The following MED16 variants were observed in gnomAD, a reference collection of about 807,000 sequenced individuals.
MED16 encodes the protein mediator complex subunit 16, also known as mediator of RNA polymerase II transcription subunit 16.
MED16 carries 81 observed loss-of-function variants against 84.4 expected under a neutral mutation model. That is an observed-to-expected ratio of 0.96 (90% CI 0.80 to 1.15). The LOEUF is 1.15. Ranked by LOEUF, MED16 falls within the 50% of genes most tolerant of loss-of-function variation. MED16 has a pLI of 0.00. For synonymous variants in MED16, 897 were observed against 552.2 expected (o/e 1.62, Z -8.76); for missense variants, 1,585 against 1,245.9 (o/e 1.27, Z -4.10).
intron 1 of MED16, chr19:892,389 C>G (rs1214403603): frequency 1.9e-5 from 3 of 156,298 alleles, no homozygotes; most frequent in African/African-American, 7.2e-5. Flanking sequence ...ATGTACTCTC[C>G]AGGTCCAGCC....
At chr19:876,875 C>CA (rs1568324495) in intron 9 of MED16, 99 bp downstream of exon 9, 5 of 1,245,084 alleles carry the variant, frequency 4.0e-6, no homozygotes, top group African/African-American at 3.2e-5. Context: ...CCACCTGCCA[C>CA]GGGGCCCCCA....
intron 8 of MED16, among the ~76,000 whole-genome samples, chr19:878,667 G>A (rs1282297174): frequency 2.7e-4 from 36 of 132,856 alleles, no homozygotes; most frequent in East Asian, 9.9e-4. Context: ...TCCCCTGGTT[G>A]TCAATGCCCA....
At chr19:874,152 C>T (rs557020250) in intron 10 of MED16, among the ~76,000 whole-genome samples, 4 of 133,386 alleles carry the variant, frequency 3.0e-5, no homozygotes, top group Non-Finnish European at 5.2e-5. Context: ...CTCACTCTGT[C>T]GCCCAGGCTG....
chr19:882,280 A>G (rs1252728313), intron 6 of MED16, among the ~76,000 whole-genome samples: 4 of 152,240 alleles, frequency 2.6e-5, no homozygotes, highest in African/African-American at 9.6e-5. Context: ...AGCCAACGCC[A>G]GAGGATGGCT....
chr19:880,008 C>G lies in MED16; in HGVS notation c.1282G>C (p.Ala428Pro), dbSNP rs371499870. 8.7e-6 allele frequency: 14 copies of G among 1,609,640 alleles called. No homozygotes were observed. In the Admixed American group the frequency reaches 2.3e-4, roughly 27 times the overall value. The change falls in exon 8 of 16, where the codon GCC (alanine) becomes CCC (proline). Residue 428 changes from alanine to proline, a missense_variant. Coordinates refer to ENST00000325464, the MANE Select transcript of MED16 (RefSeq NM_005481.3). Reference sequence around the variant, plus strand: ...AGCTGCATAGCCTTTAAGTGGACGGCGGGGCCCGCGGTGCGGGGGCGCTTC... The same window carrying G: ...AGCTGCATAGCCTTTAAGTGGACGGGGGGGCCCGCGGTGCGGGGGCGCTTC... ...AMKRPRTAGP[A>P]VHLKAMQLSW...
intron 2 of MED16, 41 bp downstream of exon 2, chr19:890,922 C>T: frequency 6.3e-7 from 1 of 1,599,764 alleles, no homozygotes; most frequent in Admixed American, 1.7e-5. Flanking sequence ...GGGCGGGACA[C>T]CATGCGGCCG....
chr19:892,881 A>AGCGCCGC (rs1282768959), intron 1 of MED16: 1 of 137,866 alleles, frequency 7.3e-6, no homozygotes, highest in East Asian at 2.4e-4. Flanking sequence ...CTGAGCCCCG[A>AGCGCCGC]GCCCCGCGCC....
chr19:873,250 G>C (rs939144935), intron 11 of MED16, among the ~76,000 whole-genome samples, 199 bp downstream of exon 11: 1 of 138,360 alleles, frequency 7.2e-6, no homozygotes, highest in African/African-American at 2.6e-5. Flanking sequence ...GTAGGGGTGG[G>C]ACTCCAACCA....
intron 5 of MED16, among the ~76,000 whole-genome samples, chr19:885,456 G>A (rs945804088): frequency 9.9e-5 from 15 of 152,234 alleles, no homozygotes; most frequent in South Asian, 2.1e-4. Context: ...AGCACGTTGG[G>A]GGGGGTCCGG....
At chr19:881,507 C>A (rs932986256) in intron 7 of MED16, 52 bp downstream of exon 7, 9 of 1,564,300 alleles carry the variant, frequency 5.8e-6, no homozygotes, top group Middle Eastern at 2.2e-4. Flanking sequence ...CAGGGCCCAA[C>A]TCCCCTGGTG....
At chr19:879,871 A>ACCAACC (rs2036375593) in intron 8 of MED16, 66 bp downstream of exon 8, 2 of 1,262,370 alleles carry the variant, frequency 1.6e-6, no homozygotes, top group African/African-American at 3.5e-5. Flanking sequence ...GTCAATGCCC[A>ACCAACC]GCAGCTCGCC....
chr19:891,226 G>A (rs1475519093), intron 1 of MED16, 77 bp from the exon 2 acceptor site: 3 of 1,392,224 alleles, frequency 2.2e-6, no homozygotes, highest in South Asian at 2.7e-5. Flanking sequence ...CCAGAAGTGG[G>A]AAAACAATGG....
rs752115843 is a variant in MED16, at chr19:885,939, G to A, written c.710C>T (p.Ser237Leu). ...GCACACCTTGTAGAACTGCACGGGC[G>A]ACGCGCTGCTGCCGTCCGCCGTGGC... ...VVATADGSSA[S>L]PVQFYKVCVS... The change falls in exon 5 of 16, where the codon TCG becomes TTG. Residue 237 changes from serine (S) to leucine (L), a missense_variant. Coordinates refer to ENST00000325464, the MANE Select transcript of MED16 (RefSeq NM_005481.3). The A allele has an allele frequency of 9.3e-6, 15 of 1,612,816 alleles. No homozygotes were observed. The highest frequency in any genetic ancestry group is 4.0e-5 in the African/African-American group (3 of 74,940).
intron 5 of MED16, 96 bp from the exon 6 acceptor site, chr19:885,104 G>A: frequency 2.2e-6 from 2 of 907,000 alleles, no homozygotes; most frequent in Non-Finnish European, 3.4e-6. Flanking sequence ...GCCACGCACT[G>A]CTGGGCCTGT....
intron 8 of MED16, among the ~76,000 whole-genome samples, chr19:879,423 A>C: frequency 7.8e-6 from 1 of 127,636 alleles, no homozygotes. Flanking sequence ...GTCAATGCCC[A>C]CCAACCCCAG....
chr19:891,231 C>CCAT (rs1179472092), intron 1 of MED16, 82 bp from the exon 2 acceptor site: 2 of 1,350,968 alleles, frequency 1.5e-6, no homozygotes, highest in Non-Finnish European at 1.0e-6. Context: ...AGTGGGAAAA[C>CCAT]AATGGAGGCC....
At chr19:876,354 G>T (rs1357752206) in intron 9 of MED16, among the ~76,000 whole-genome samples, 1 of 152,026 alleles carries the variant, frequency 6.6e-6, no homozygotes, top group Non-Finnish European at 1.5e-5. Flanking sequence ...TCCTTCCGAC[G>T]GGCGGGTCTC....
At chr19:868,341 G>A in intron 15 of MED16, 75 bp downstream of exon 15, 3 of 1,581,922 alleles carry the variant, frequency 1.9e-6, no homozygotes, top group East Asian at 2.3e-5. Flanking sequence ...CAGCTGAGGG[G>A]TAGCTGAGGA....
intron 1 of MED16, 173 bp downstream of exon 1, chr19:892,913 C>CCGCGCCCCGCGCCCCGCGCCT (rs1419004512): frequency 1.4e-5 from 2 of 141,058 alleles, no homozygotes; most frequent in African/African-American, 5.9e-5. Context: ...GCCCCGCGCC[C>CCGCGCCCCGCGCCCCGCGCCT]CGCGCCCCGC....
Sources: gnomAD v4.1 joint callset for allele counts (sites outside exome capture counted in the v4.1 genomes callset) on GRCh38, gnomAD v4.1.1 for gene constraint, MANE v1.5 for transcripts, NCBI Gene and HGNC (gene_info 2026-07-23, HGNC 2026-07-21) for gene names.